The following TSHZ2 variants were observed in gnomAD, a reference collection of about 807,000 sequenced individuals.
TSHZ2 encodes teashirt homolog 2.
In TSHZ2, 21 loss-of-function variants were observed where a neutral mutation model predicts 74.4. The observed-to-expected ratio is 0.28, with a 90% CI of 0.20 to 0.41. The LOEUF is 0.41. TSHZ2 is among the 10% of genes least tolerant of loss of function. The probability of loss-of-function intolerance (pLI) is 1.00; values close to 1 mark genes in which losing one functional copy is unlikely to be tolerated. For missense variants in TSHZ2, 1,244 were observed against 1,293.5 expected, an observed-to-expected ratio of 0.96 and a Z score of 0.59; for synonymous variants, 540 against 515.3, an observed-to-expected ratio of 1.05 and a Z score of -0.65.
At chr20:53,126,994 T>G (rs766868513) in intron 1 of TSHZ2, among the ~76,000 whole-genome samples, 24 of 151,418 alleles carry the variant, frequency 1.6e-4, no homozygotes, top group Admixed American at 2.6e-4. Flanking sequence ...GCTTAATAAT[T>G]ATTGGCTGAA....
At chr20:53,298,251 C>T (rs1459684488) in intron 2 of TSHZ2, among the ~76,000 whole-genome samples, 1 of 152,188 alleles carries the variant, frequency 6.6e-6, no homozygotes, top group Admixed American at 6.5e-5. Context: ...TCTCCTGGCC[C>T]TTACATTCTA....
At chr20:53,146,835 C>T (rs987297850) in intron 1 of TSHZ2, among the ~76,000 whole-genome samples, 4 of 152,034 alleles carry the variant, frequency 2.6e-5, no homozygotes, top group South Asian at 2.1e-4. Flanking sequence ...GGTAGAGGAG[C>T]GAGGCGGGCG....
chr20:52,978,046 G>T (rs986143967), intron 1 of TSHZ2, among the ~76,000 whole-genome samples: 1 of 152,260 alleles, frequency 6.6e-6, no homozygotes, highest in East Asian at 1.9e-4. Flanking sequence ...TTTTTAGGAG[G>T]TCGGTCCCTG....
At chr20:53,027,998 G>A (rs528716505) in intron 1 of TSHZ2, among the ~76,000 whole-genome samples, 5 of 152,258 alleles carry the variant, frequency 3.3e-5, no homozygotes, top group East Asian at 1.9e-4. Context: ...TCCAGGAGAC[G>A]GGGCTTGTGG....
chr20:53,045,061 G>GA (rs1052997987), intron 1 of TSHZ2, among the ~76,000 whole-genome samples: 2 of 152,090 alleles, frequency 1.3e-5, no homozygotes, highest in Non-Finnish European at 2.9e-5. Flanking sequence ...TGGTGACAAA[G>GA]AAAAATCCCC....
chr20:52,972,726 AAGGAGGAGGTGG>A lies in TSHZ2; in HGVS notation c.-546_-535del, dbSNP rs796986215. On this transcript the variant is annotated 5_prime_UTR_variant, in exon 1 of 3. Coordinates refer to ENST00000371497, the MANE Select transcript of TSHZ2 (RefSeq NM_173485.6). ...GGAGGAGGAGGAGGAGGAAGAAAAGAAGGAGGAGGTGGAGGAGGAGGTGGAGGAGGAGGAGGA... is the reference window on the plus strand; with the variant it reads ...GGAGGAGGAGGAGGAGGAAGAAAAGAAGGAGGAGGTGGAGGAGGAGGAGGA... 1,315 of 142,194 alleles carry A rather than the reference AAGGAGGAGGTGG, an allele frequency of 9.2e-3. 17 individuals carry two copies. The highest frequency in any genetic ancestry group is 0.034 in the African/African-American group (1,230 of 35,912). 8.8% of individuals were successfully genotyped at this position (142,194 alleles called of 1,614,324 possible).
chr20:53,294,117 G>A (rs995082705), intron 2 of TSHZ2, among the ~76,000 whole-genome samples: 1 of 152,196 alleles, frequency 6.6e-6, no homozygotes, highest in African/African-American at 2.4e-5. Flanking sequence ...GGCGCACACA[G>A]GCAGCTGTCA....
intron 2 of TSHZ2, among the ~76,000 whole-genome samples, chr20:53,447,378 T>A (rs974262548): frequency 6.6e-6 from 1 of 152,228 alleles, no homozygotes; most frequent in Non-Finnish European, 1.5e-5. Context: ...TTTTTACACC[T>A]TTTATTTTGA....
At chr20:52,980,165 C>T (rs1211454510) in intron 1 of TSHZ2, among the ~76,000 whole-genome samples, 2 of 152,178 alleles carry the variant, frequency 1.3e-5, no homozygotes, top group South Asian at 4.1e-4. Context: ...CAAGGATCTT[C>T]GTAAGATAGC....
At chr20:53,169,200 T>A (rs1476488641) in intron 1 of TSHZ2, among the ~76,000 whole-genome samples, 1 of 152,166 alleles carries the variant, frequency 6.6e-6, no homozygotes, top group Non-Finnish European at 1.5e-5. Flanking sequence ...TGCCCTTCAT[T>A]AGGTTAAGAA....
chr20:52,974,039 G>C (rs556760940), intron 1 of TSHZ2, among the ~76,000 whole-genome samples: 2 of 152,236 alleles, frequency 1.3e-5, no homozygotes, highest in South Asian at 2.1e-4. Context: ...GAAATGATTC[G>C]TACTGTAAAA....
At chr20:53,190,133 A>ATTTTTTTTT (rs1988701981) in intron 1 of TSHZ2, among the ~76,000 whole-genome samples, 2 of 86,300 alleles carry the variant, frequency 2.3e-5, no homozygotes, top group African/African-American at 9.2e-5. Flanking sequence ...ATATATATAT[A>ATTTTTTTTT]TATATTTTCT....
chr20:53,100,612 G>A (rs1986189983), intron 1 of TSHZ2, among the ~76,000 whole-genome samples: 1 of 152,110 alleles, frequency 6.6e-6, no homozygotes, highest in South Asian at 2.1e-4. Context: ...CTCTGTTTGT[G>A]TCAACGTTCC....
Position 53,177,657 on chromosome 20 carries a change from C to A in TSHZ2, c.41-75842C>A, listed in dbSNP as rs184026618. Reference sequence around the variant, plus strand: ...TATATCCTATGATTACATTAGTATACAGACAAATATGTTAATCTACATTTA... The same window carrying A: ...TATATCCTATGATTACATTAGTATAAAGACAAATATGTTAATCTACATTTA... On this transcript the variant is annotated intron_variant, in intron 1 of 2. Transcript: ENST00000371497. Among the ~76,000 whole-genome samples, 8 of 152,318 alleles carry A rather than the reference C, an allele frequency of 5.3e-5. No homozygotes were observed. The East Asian group carries it at 1.5e-3, about 29-fold the overall frequency.
chr20:53,406,551 C>A (rs904281432), intron 2 of TSHZ2, among the ~76,000 whole-genome samples: 9 of 152,092 alleles, frequency 5.9e-5, no homozygotes, highest in Non-Finnish European at 2.9e-5. Flanking sequence ...GGCAGGTGGA[C>A]AAGCAAGGGC....
At chr20:53,093,545 C>T (rs1985949345) in intron 1 of TSHZ2, among the ~76,000 whole-genome samples, 1 of 152,244 alleles carries the variant, frequency 6.6e-6, no homozygotes, top group Admixed American at 6.5e-5. Context: ...TCTTTTGTGC[C>T]TTGGGACATT....
At chr20:53,394,573 GT>G (rs1982373689) in intron 2 of TSHZ2, among the ~76,000 whole-genome samples, 9 of 152,008 alleles carry the variant, frequency 5.9e-5, no homozygotes, top group Admixed American at 5.9e-4. Flanking sequence ...CTTCAGGAAT[GT>G]GGTTTAGGTC....
At chr20:53,441,454 G>T (rs1371228341) in intron 2 of TSHZ2, among the ~76,000 whole-genome samples, 1 of 151,512 alleles carries the variant, frequency 6.6e-6, no homozygotes, top group Admixed American at 6.6e-5. Flanking sequence ...GTTTTGTTTT[G>T]TTTTTTGTAT....
intron 1 of TSHZ2, among the ~76,000 whole-genome samples, chr20:53,128,579 A>G (rs1987013168): frequency 6.6e-6 from 1 of 152,190 alleles, no homozygotes; most frequent in Non-Finnish European, 1.5e-5. Flanking sequence ...TGGGGTATCA[A>G]TTCGCTATAT....
Sources: gnomAD v4.1 joint callset for allele counts (sites outside exome capture counted in the v4.1 genomes callset) on GRCh38, gnomAD v4.1.1 for gene constraint, MANE v1.5 for transcripts, NCBI Gene and HGNC (gene_info 2026-07-23, HGNC 2026-07-21) for gene names.